VPS8: variants seen among roughly 807,000 people sequenced by gnomAD.
VPS8 encodes vacuolar protein sorting-associated protein 8 homolog.
A neutral mutation model predicts 216.4 loss-of-function variants in VPS8; 129 were observed. That is an observed-to-expected ratio of 0.60 (90% CI 0.52 to 0.69). The LOEUF (loss-of-function observed/expected upper bound fraction) is 0.69, where lower values mean the gene tolerates loss of function less well. Ranked by LOEUF, VPS8 falls within the 30% of genes least tolerant of loss-of-function variation. VPS8 has a pLI of 0.00. For synonymous variants in VPS8, 571 were observed against 565.4 expected (o/e 1.01, Z -0.14); for missense variants, 1,531 against 1,683.5 (o/e 0.91, Z 1.59).
intron 25 of VPS8, among the ~76,000 whole-genome samples, chr3:184,902,992 T>C (rs1453714661): frequency 1.3e-5 from 2 of 152,202 alleles, no homozygotes; most frequent in Non-Finnish European, 2.9e-5. Flanking sequence ...AGGATTTTTT[T>C]CCATACAGCT....
chr3:184,828,599 C>G (rs6785322), intron 3 of VPS8, among the ~76,000 whole-genome samples: 3,536 of 152,164 alleles, frequency 0.023, 127 homozygotes, highest in African/African-American at 0.081. Context: ...CCTTTTTCCC[C>G]TATTTCCTTC....
chr3:184,880,069 AT>A (rs1730012096), intron 21 of VPS8, among the ~76,000 whole-genome samples: 1 of 152,178 alleles, frequency 6.6e-6, no homozygotes, highest in African/African-American at 2.4e-5. Context: ...CATAAAAAGT[AT>A]GTGTATTTGG....
At chr3:184,836,281 C>T (rs1448203707) in intron 5 of VPS8, 1 of 456,662 alleles carries the variant, frequency 2.2e-6, no homozygotes, top group South Asian at 1.5e-5. Context: ...GAATGGGAAC[C>T]ACCTGTTGAG....
intron 21 of VPS8, among the ~76,000 whole-genome samples, chr3:184,871,727 A>G (rs1728386221): frequency 6.6e-6 from 1 of 152,162 alleles, no homozygotes; most frequent in African/African-American, 2.4e-5. Flanking sequence ...AGTCTAGTCA[A>G]AATAATGGGT....
At chr3:184,889,566 T>A (rs1337617384) in intron 22 of VPS8, among the ~76,000 whole-genome samples, 2 of 152,112 alleles carry the variant, frequency 1.3e-5, no homozygotes. Flanking sequence ...TTGTACTAGA[T>A]CCTGCCTCTG....
intron 30 of VPS8, 105 bp from the exon 31 acceptor site, chr3:184,926,489 G>A (rs1739674746): frequency 3.6e-6 from 4 of 1,126,434 alleles, no homozygotes; most frequent in Admixed American, 2.3e-5. Context: ...GTTATGTCTG[G>A]GTGTGAATGA....
chr3:184,930,007 G>A lies in VPS8; in HGVS notation c.2799+343G>A, dbSNP rs75923605. Among the ~76,000 whole-genome samples the A allele has an allele frequency of 1.1e-3, 161 of 152,242 alleles. 2 individuals are homozygous for A. The East Asian group carries it at 0.029, about 28-fold the overall frequency. On this transcript the variant is annotated intron_variant, in intron 33 of 47. Coordinates refer to ENST00000625842, the MANE Select transcript of VPS8 (RefSeq NM_001009921.3). Reference sequence around the variant, plus strand: ...TTTTGGAATTTGAGAAGCCAGTGAAGGAAAGAGCCAAGAAGAGTGTTCCAG... The same window carrying A: ...TTTTGGAATTTGAGAAGCCAGTGAAAGAAAGAGCCAAGAAGAGTGTTCCAG...
At chr3:184,814,202 G>C (rs1409119791) in intron 1 of VPS8, among the ~76,000 whole-genome samples, 1 of 152,188 alleles carries the variant, frequency 6.6e-6, no homozygotes, top group African/African-American at 2.4e-5. Flanking sequence ...GGGATTTATT[G>C]GCTCCAAACC....
chr3:184,840,017 A>G (rs1022785183), intron 7 of VPS8: 2 of 776,042 alleles, frequency 2.6e-6, no homozygotes, highest in Non-Finnish European at 3.3e-6. Context: ...CAAAAAGAAT[A>G]AAGTTGAAGG....
intron 28 of VPS8, among the ~76,000 whole-genome samples, chr3:184,919,447 A>G (rs1307603048): frequency 6.6e-6 from 1 of 152,148 alleles, no homozygotes; most frequent in African/African-American, 2.4e-5. Flanking sequence ...CATATATACT[A>G]TATGTACTAG....
intron 46 of VPS8, among the ~76,000 whole-genome samples, chr3:185,029,664 A>G (rs778359135): frequency 4.6e-5 from 7 of 151,482 alleles, no homozygotes; most frequent in Non-Finnish European, 7.4e-5. Flanking sequence ...TCCCAGGTTC[A>G]AGCAGTTCTG....
intron 1 of VPS8, among the ~76,000 whole-genome samples, chr3:184,819,659 A>G (rs1717124004): frequency 6.6e-6 from 1 of 152,228 alleles, no homozygotes; most frequent in Admixed American, 6.5e-5. Context: ...AATGTTGGAT[A>G]TGTGACCAGA....
chr3:184,984,679 TC>T lies in VPS8; in HGVS notation c.3585+1587del, dbSNP rs1750797605. ...TCTTTGATATAGACTGCTTCACATA[TC>T]CATTTTAAAGCTCATTACTTATGAG... is the stretch of plus-strand genomic sequence containing the variant. On this transcript the variant is annotated intron_variant, in intron 42 of 47. Coordinates refer to ENST00000625842, the MANE Select transcript of VPS8 (RefSeq NM_001009921.3). 4.6e-5 allele frequency among the ~76,000 whole-genome samples: 7 copies of T among 152,292 alleles called. No individual in the cohort carries two copies. In the South Asian group the frequency reaches 1.5e-3, roughly 32 times the overall value.
intron 36 of VPS8, among the ~76,000 whole-genome samples, chr3:184,945,246 T>C (rs1743477610): frequency 1.3e-5 from 2 of 151,962 alleles, no homozygotes. Context: ...GAAATTTTTA[T>C]TTATACTCAC....
chr3:184,821,405 G>A (rs542211329), intron 1 of VPS8, among the ~76,000 whole-genome samples: 14 of 151,662 alleles, frequency 9.2e-5, no homozygotes, highest in Admixed American at 5.9e-4. Flanking sequence ...GTGCAGTGGC[G>A]CGAACTTGGC....
intron 40 of VPS8, 178 bp from the exon 41 acceptor site, chr3:184,982,388 C>A (rs1459110709): frequency 4.2e-6 from 2 of 479,532 alleles, no homozygotes; most frequent in South Asian, 5.7e-5. Flanking sequence ...TTTGTATTGT[C>A]TTTTTTTTTT....
chr3:184,857,519 A>G (rs1725486164), intron 14 of VPS8, among the ~76,000 whole-genome samples: 1 of 152,230 alleles, frequency 6.6e-6, no homozygotes. Flanking sequence ...ATCATCCCTT[A>G]ACTCTCACTG....
chr3:184,921,975 T>G (rs530715776), intron 29 of VPS8, among the ~76,000 whole-genome samples: 61 of 152,292 alleles, frequency 4.0e-4, no homozygotes, highest in African/African-American at 1.4e-3. Flanking sequence ...CTCTATATAT[T>G]CTGGTCCTGA....
chr3:185,035,098 G>C (rs1156283795), intron 46 of VPS8, among the ~76,000 whole-genome samples: 8 of 151,922 alleles, frequency 5.3e-5, no homozygotes, highest in Non-Finnish European at 1.2e-4. Flanking sequence ...AAATGAATCA[G>C]TAATAAAAAA....
Sources: gnomAD v4.1 joint callset for allele counts (sites outside exome capture counted in the v4.1 genomes callset) on GRCh38, gnomAD v4.1.1 for gene constraint, MANE v1.5 for transcripts, NCBI Gene and HGNC (gene_info 2026-07-23, HGNC 2026-07-21) for gene names.